The following FRMPD4 variants were observed in gnomAD, a reference collection of about 807,000 sequenced individuals.
FRMPD4 encodes the protein FERM and PDZ domain-containing protein 4.
A neutral mutation model predicts 94.1 loss-of-function variants in FRMPD4; 22 were observed. That is an observed-to-expected ratio of 0.23 (90% CI 0.17 to 0.33). The LOEUF (loss-of-function observed/expected upper bound fraction) is 0.33, where lower values mean the gene tolerates loss of function less well. FRMPD4 is among the 10% of genes least tolerant of loss of function. The probability of loss-of-function intolerance (pLI) is 1.00; values close to 1 mark genes in which losing one functional copy is unlikely to be tolerated. For missense variants in FRMPD4, 1,111 were observed against 1,339.9 expected, an observed-to-expected ratio of 0.83 and a Z score of 2.67; for synonymous variants, 631 against 548.6, an observed-to-expected ratio of 1.15 and a Z score of -2.10.
chrX:12,560,410 C>T (rs1245766089), intron 2 of FRMPD4, among the ~76,000 whole-genome samples: 3 of 106,269 alleles, frequency 2.8e-5, no homozygotes, highest in African/African-American at 1.0e-4. Context: ...GACTTTACAG[C>T]CATTTGACTT....
chrX:12,412,005 T>G (rs1318664034), intron 1 of FRMPD4, among the ~76,000 whole-genome samples: 1 of 110,760 alleles, frequency 9.0e-6, no homozygotes, highest in Non-Finnish European at 1.9e-5. Context: ...CAACTAGGAG[T>G]CTCTTCATCA....
At chrX:12,463,692 G>GTTTTTTTTTTTTTTT (rs1235218164) in intron 1 of FRMPD4, among the ~76,000 whole-genome samples, 1 of 81,753 alleles carries the variant, frequency 1.2e-5, no homozygotes, top group African/African-American at 4.8e-5. Flanking sequence ...TTTTTTTTTT[G>GTTTTTTTTTTTTTTT]TTTTTGTTTT....
chrX:12,641,862 G>A (rs2059502718), intron 4 of FRMPD4, among the ~76,000 whole-genome samples: 1 of 112,304 alleles, frequency 8.9e-6, no homozygotes, highest in Non-Finnish European at 1.9e-5. Flanking sequence ...CCACTGAAAT[G>A]CCATTTCAAA....
chrX:12,317,608 AAAAAC>A (rs1288493780), intron 1 of FRMPD4, among the ~76,000 whole-genome samples: 17 of 105,812 alleles, frequency 1.6e-4, no homozygotes, highest in African/African-American at 5.3e-4. Context: ...AAAAAACAAA[AAAAAC>A]AAAAACCCAA....
intron 1 of FRMPD4, among the ~76,000 whole-genome samples, chrX:12,302,949 G>T (rs760540662): frequency 1.8e-5 from 2 of 111,739 alleles, no homozygotes; most frequent in South Asian, 3.7e-4. Context: ...CAAGCATTCA[G>T]TATGGTTGCA....
At chrX:12,165,014 A>G (rs2056090647) in intron 1 of FRMPD4, among the ~76,000 whole-genome samples, 1 of 111,212 alleles carries the variant, frequency 9.0e-6, no homozygotes. Context: ...GTTCACTCTG[A>G]TGGTAGTTTC....
intron 2 of FRMPD4, among the ~76,000 whole-genome samples, chrX:11,867,199 T>G (rs961069795): frequency 9.0e-6 from 1 of 111,555 alleles, no homozygotes; most frequent in African/African-American, 3.3e-5. Context: ...ATCAAACACT[T>G]TTGAAAGTGT....
intron 5 of FRMPD4, among the ~76,000 whole-genome samples, chrX:12,678,828 A>G (rs1397401745): frequency 4.5e-5 from 5 of 112,227 alleles, no homozygotes; most frequent in Non-Finnish European, 7.5e-5. Context: ...TCTGTCTCAA[A>G]AAACAAAAAA....
chrX:12,379,659 G>A (rs1357818674), intron 1 of FRMPD4, among the ~76,000 whole-genome samples: 1 of 101,488 alleles, frequency 9.9e-6, no homozygotes, highest in African/African-American at 4.2e-5. Flanking sequence ...GTGTGTGTGT[G>A]TGTGTGTGTG....
chrX:12,288,704 T>G (rs771124629), intron 1 of FRMPD4, among the ~76,000 whole-genome samples: 155 of 112,345 alleles, frequency 1.4e-3, no homozygotes, highest in African/African-American at 4.7e-3. Context: ...ACCAGTCGTC[T>G]CTTGGTGATG....
At chrX:11,837,701 G>A (rs1051471447) in intron 1 of FRMPD4, among the ~76,000 whole-genome samples, 6 of 111,252 alleles carry the variant, frequency 5.4e-5, no homozygotes, top group African/African-American at 1.6e-4. Flanking sequence ...AATGGAGTTC[G>A]TTTGTTTTTA....
intron 2 of FRMPD4, among the ~76,000 whole-genome samples, chrX:12,551,112 T>A (rs1332479354): frequency 9.0e-6 from 1 of 111,121 alleles, no homozygotes; most frequent in East Asian, 2.8e-4. Flanking sequence ...ACATATATAA[T>A]GTTTCTTTTT....
chrX:12,214,688 C>T (rs1285541889), intron 1 of FRMPD4, among the ~76,000 whole-genome samples: 1 of 112,294 alleles, frequency 8.9e-6, no homozygotes, highest in Non-Finnish European at 1.9e-5. Flanking sequence ...CCGATAGCTG[C>T]ATGTTTATGT....
intron 1 of FRMPD4, among the ~76,000 whole-genome samples, chrX:12,211,834 A>G (rs1294212357): frequency 8.9e-6 from 1 of 112,394 alleles, no homozygotes; most frequent in Non-Finnish European, 1.9e-5. Context: ...GCTTTTAAAA[A>G]TGTTCCAATT....
chrX:12,691,263 TG>T (rs981716002), intron 8 of FRMPD4, among the ~76,000 whole-genome samples: 2 of 110,567 alleles, frequency 1.8e-5, no homozygotes, highest in African/African-American at 6.6e-5. Flanking sequence ...GGGTTTTTTT[TG>T]TTGTTGTTGT....
At chrX:12,151,099 A>G (rs1476981573) in intron 1 of FRMPD4, among the ~76,000 whole-genome samples, 2 of 111,958 alleles carry the variant, frequency 1.8e-5, no homozygotes, top group Non-Finnish European at 3.8e-5. Context: ...TTGCTTAAAA[A>G]TTAAAATATA....
At chrX:12,407,630 A>G (rs1190098762) in intron 1 of FRMPD4, among the ~76,000 whole-genome samples, 2 of 112,537 alleles carry the variant, frequency 1.8e-5, no homozygotes, top group African/African-American at 6.5e-5. Context: ...AGCTGTTACA[A>G]GAATTAAACA....
intron 1 of FRMPD4, chrX:12,373,020 A>T (rs976250500): frequency 8.9e-6 from 1 of 112,332 alleles, no homozygotes; most frequent in Non-Finnish European, 1.9e-5. Context: ...GGACAGCACC[A>T]CTGACTTCTC....
chrX:11,998,885 G>A, intron 3 of FRMPD4, among the ~76,000 whole-genome samples: 1 of 112,127 alleles, frequency 8.9e-6, no homozygotes, highest in Middle Eastern at 4.6e-3. Flanking sequence ...AGGAGCAGCT[G>A]CACAGTCACT....
Sources: allele counts gnomAD v4.1 joint callset (sites outside exome capture counted in the v4.1 genomes callset), GRCh38; gene constraint gnomAD v4.1.1; transcripts MANE v1.5; gene names NCBI Gene and HGNC (gene_info 2026-07-23, HGNC 2026-07-21).